Variants in PDCD7 observed in about 807,000 individuals in gnomAD.
PDCD7 encodes the protein programmed cell death 7.
A neutral mutation model predicts 42.1 loss-of-function variants in PDCD7; 40 were observed. The ratio of observed to expected loss-of-function variants is 0.95; its 90% CI spans 0.74 to 1.24. The LOEUF (loss-of-function observed/expected upper bound fraction) is 1.24. Ranked by LOEUF, PDCD7 falls within the 50% of genes most tolerant of loss-of-function variation. The pLI, the probability that PDCD7 is intolerant of heterozygous loss-of-function variation, is 0.00. For missense variants in PDCD7, 644 were observed against 662.8 expected (o/e 0.97, Z 0.31); for synonymous variants, 299 against 303.3 (o/e 0.99, Z 0.15).
intron 2 of PDCD7, among the ~76,000 whole-genome samples, chr15:65,127,511 G>A (rs1172130266): frequency 1.3e-5 from 2 of 149,726 alleles, no homozygotes; most frequent in Non-Finnish European, 3.0e-5. Context: ...AAAGCTTTAA[G>A]TATAAGTGAG....
intron 2 of PDCD7, among the ~76,000 whole-genome samples, chr15:65,120,879 T>C (rs184118262): frequency 6.6e-6 from 1 of 152,258 alleles, no homozygotes; most frequent in Admixed American, 6.5e-5. Context: ...TGTGTTATAA[T>C]GAGGAAGTTT....
At chr15:65,119,195 C>T (rs2087431321) in intron 4 of PDCD7, 181 bp downstream of exon 4, 1 of 548,356 alleles carries the variant, frequency 1.8e-6, no homozygotes, top group Non-Finnish European at 3.2e-6. Flanking sequence ...CTAATGAGGA[C>T]TAAACAAGAT....
chr15:65,133,302 C>G lies in PDCD7; in HGVS notation c.480G>C (p.Pro160=), dbSNP rs1465741145. The change falls in exon 1 of 5, where the codon CCG becomes CCC. Residue 160 remains proline (P), a synonymous_variant. Transcript: ENST00000204549. ...VFGTPRRAGC[P]VPQRTHAGPS... Reference sequence around the variant, plus strand: ...GCCCGGCATGCGTGCGCTGGGGCACCGGACAGCCTGCCCGCCGCGGGGTCC... The same window carrying G: ...GCCCGGCATGCGTGCGCTGGGGCACGGGACAGCCTGCCCGCCGCGGGGTCC... 37 of 1,301,334 alleles carry G rather than the reference C, an allele frequency of 2.8e-5. No homozygotes were observed. Among genetic ancestry groups the G allele is most frequent in the Middle Eastern group, 2.8e-4 (1 of 3,606 alleles). The allele number at this position is 1,301,334 out of a possible 1,614,324, so 80.6% of individuals were successfully genotyped here.
At chr15:65,131,690 G>T (rs2087541231) in intron 1 of PDCD7, among the ~76,000 whole-genome samples, 1 of 151,962 alleles carries the variant, frequency 6.6e-6, no homozygotes, top group South Asian at 2.1e-4. Context: ...TGGAGGTTGT[G>T]GTGAACCAAG....
chr15:65,123,148 T>TA (rs2087470510), intron 2 of PDCD7, among the ~76,000 whole-genome samples: 1 of 152,262 alleles, frequency 6.6e-6, no homozygotes, highest in Admixed American at 6.5e-5. Context: ...AGGTAATTAA[T>TA]AGATACTTCT....
At chr15:65,132,124 G>GTATATATATATATATATATATA (rs10570029) in intron 1 of PDCD7, among the ~76,000 whole-genome samples, 2 of 140,956 alleles carry the variant, frequency 1.4e-5, no homozygotes, top group African/African-American at 5.2e-5. Context: ...GTATGTATGT[G>GTATATATATATATATATATATA]TATATATATA....
chr15:65,129,850 G>A (rs1208007509), intron 1 of PDCD7, among the ~76,000 whole-genome samples: 3 of 150,976 alleles, frequency 2.0e-5, no homozygotes, highest in Non-Finnish European at 4.4e-5. Context: ...AAGACCAGGA[G>A]TTCAAACCTA....
At chr15:65,132,784 G>A in intron 1 of PDCD7, 128 bp downstream of exon 1, 1 of 1,381,564 alleles carries the variant, frequency 7.2e-7, no homozygotes, top group South Asian at 1.4e-5. Context: ...AGCTGGGAAG[G>A]TTAGCTATCG....
chr15:65,123,017 A>G (rs2087469730), intron 2 of PDCD7, among the ~76,000 whole-genome samples: 1 of 151,976 alleles, frequency 6.6e-6, no homozygotes, highest in Non-Finnish European at 1.5e-5. Context: ...AAAAAAAAAG[A>G]AAGAAAAATT....
Position 65,133,738 on chromosome 15 carries a change from G to A in PDCD7, c.44C>T (p.Pro15Leu), listed in dbSNP as rs1397095143. ...AGCAGGAGGCGGCGGCTGCGGGGGC[G>A]GTGGGCCTGGGCGACCCTGGCCGAA... ...PFFGQGRPGP[P>L]PPQPPPPAPF... Residue 15 changes from proline (P) to leucine (L), a missense_variant, in exon 1 of 5, where the codon CCG becomes CTG. Physicochemically the swap from Pro to Leu is moderately conservative, Grantham distance 98 (BLOSUM62 -3). Coordinates refer to ENST00000204549, the MANE Select transcript of PDCD7 (RefSeq NM_005707.2). 3.0e-6 allele frequency: 4 copies of A among 1,317,996 alleles called. No homozygotes were observed. In the South Asian group the frequency reaches 7.0e-5, roughly 23 times the overall value. The allele number at this position is 1,317,996 out of a possible 1,614,324, so 81.6% of individuals were successfully genotyped here.
chr15:65,133,213 C>G lies in PDCD7; in HGVS notation c.569G>C (p.Gly190Ala). The G allele has an allele frequency of 7.2e-7, 1 of 1,383,830 alleles. No individual in the cohort carries two copies. The highest frequency in any genetic ancestry group is 9.3e-7 in the Non-Finnish European group (1 of 1,078,802). The allele number at this position is 1,383,830 out of a possible 1,614,324, so 85.7% of individuals were successfully genotyped here. A position where few individuals can be genotyped will look rare whatever the true frequency, so the allele number is the denominator to read the frequency against. Residue 190 changes from glycine to alanine, a missense_variant, in exon 1 of 5, where the codon GGC becomes GCC. Transcript: ENST00000204549. Reference sequence around the variant, plus strand: ...GGCCTCGCGCAGGGCCTGGCTCAGGCCGCGCAGCCGCCGCACCAGGCGCAG... The same window carrying G: ...GGCCTCGCGCAGGGCCTGGCTCAGGGCGCGCAGCCGCCGCACCAGGCGCAG... Reference protein sequence around the residue: ...RALRLVRRLRGLSQALREAEA... With the variant: ...RALRLVRRLRALSQALREAEA...
Position 65,133,200 on chromosome 15 carries a change from G to A in PDCD7, c.582C>T (p.Ala194=), listed in dbSNP as rs890531545. The change falls in exon 1 of 5, where the codon GCC becomes GCT. Residue 194 remains alanine, a synonymous_variant. Coordinates refer to ENST00000204549, the MANE Select transcript of PDCD7 (RefSeq NM_005707.2). The part of the protein sequence containing the change: ...LVRRLRGLSQ[A]LREAEADGAA... The stretch of plus-strand genomic sequence containing the variant: ...CGCCGTCGGCTTCGGCCTCGCGCAG[G>A]GCCTGGCTCAGGCCGCGCAGCCGCC... 1.1e-5 allele frequency: 15 copies of A among 1,413,662 alleles called. No homozygotes were observed. Among genetic ancestry groups the A allele is most frequent in the Non-Finnish European group, 1.4e-5 (15 of 1,094,838 alleles). The allele number at this position is 1,413,662 out of a possible 1,614,324, so 87.6% of individuals were successfully genotyped here.
chr15:65,133,346 ACT>A lies in PDCD7; in HGVS notation c.434_435del (p.Gln145LeufsTer130). The A allele has an allele frequency of 1.6e-6, 2 of 1,251,284 alleles. No individual in the cohort carries two copies. 77.5% of individuals were successfully genotyped at this position (1,251,284 alleles called of 1,614,324 possible). ...GGGGTCCCGAACACCGCCTCCAGCCACTGCCGGTCGCGCAGGCGTTGGAGGGC... is the reference window on the plus strand; with the variant it reads ...GGGGTCCCGAACACCGCCTCCAGCCAGCCGGTCGCGCAGGCGTTGGAGGGC... ...DAALQRLRDR[Q>X]WLEAVFGTPR... is the part of the protein sequence containing the mutation. On this transcript the variant is annotated frameshift_variant, in exon 1 of 5. Coordinates refer to ENST00000204549, the MANE Select transcript of PDCD7 (RefSeq NM_005707.2). LOFTEE classifies it high-confidence loss of function.
chr15:65,132,184 A>C (rs907935350), intron 1 of PDCD7, among the ~76,000 whole-genome samples: 1 of 151,070 alleles, frequency 6.6e-6, no homozygotes, highest in Non-Finnish European at 1.5e-5. Context: ...CTGGGGATAC[A>C]TGGTTTAAAA....
At chr15:65,127,036 A>G (rs2087501863) in intron 2 of PDCD7, among the ~76,000 whole-genome samples, 1 of 152,178 alleles carries the variant, frequency 6.6e-6, no homozygotes, top group Non-Finnish European at 1.5e-5. Context: ...GACGTCACTC[A>G]GCTTATGCTT....
rs746880229 is a variant in PDCD7 at position 65,133,232 on chromosome 15, G to A, written c.550C>T (p.Leu184=). ...VRARLLRALR[L]VRRLRGLSQA... Reference sequence around the variant, plus strand: ...CTCAGGCCGCGCAGCCGCCGCACCAGGCGCAGAGCCCGGAGCAATCGCGCG... The same window carrying A: ...CTCAGGCCGCGCAGCCGCCGCACCAAGCGCAGAGCCCGGAGCAATCGCGCG... Residue 184 remains leucine, a synonymous_variant, in exon 1 of 5, where the codon CTG becomes TTG. Transcript: ENST00000204549. 1.1e-5 allele frequency: 15 copies of A among 1,380,026 alleles called. No individual in the cohort carries two copies. In the South Asian group the frequency reaches 2.3e-4, roughly 22 times the overall value. The allele number at this position is 1,380,026 out of a possible 1,614,324, so 85.5% of individuals were successfully genotyped here.
chr15:65,130,796 C>T (rs2087533831), intron 1 of PDCD7, among the ~76,000 whole-genome samples: 1 of 151,254 alleles, frequency 6.6e-6, no homozygotes. Context: ...CGAGCCAAGA[C>T]GGCATCACTG....
intron 2 of PDCD7, among the ~76,000 whole-genome samples, chr15:65,127,079 C>G (rs145715640): frequency 6.6e-6 from 1 of 152,344 alleles, no homozygotes; most frequent in East Asian, 1.9e-4. Flanking sequence ...CCTTACCCAT[C>G]TCTCTGCCCT....
rs775106719 is a variant in PDCD7 at position 65,119,825 on chromosome 15, TCTC to T, written c.1136_1138del (p.Gly379del). 6.2e-7 allele frequency: 1 copy of T among 1,613,992 alleles called. No homozygotes were observed. On this transcript the variant is annotated inframe_deletion, in exon 3 of 5. Coordinates refer to ENST00000204549, the MANE Select transcript of PDCD7 (RefSeq NM_005707.2). ...TTCTCTTTTCCTCTCTTCCTCTTGT[TCTC>T]CTTCTAGCATAACTCTGAGGGCTCT...
Sources: allele counts gnomAD v4.1 joint callset (sites outside exome capture counted in the v4.1 genomes callset), GRCh38; gene constraint gnomAD v4.1.1; transcripts MANE v1.5; gene names NCBI Gene and HGNC (gene_info 2026-07-23, HGNC 2026-07-21).